Variants in PDE3B observed in about 807,000 individuals in gnomAD.
The protein encoded by PDE3B is phosphodiesterase 3B.
In PDE3B, 66 loss-of-function variants were observed where a neutral mutation model predicts 116.8. The ratio of observed to expected loss-of-function variants is 0.56; its 90% confidence interval spans 0.46 to 0.69. The LOEUF is 0.69. Ranked by LOEUF, PDE3B falls within the 30% of genes least tolerant of loss-of-function variation. The pLI is 0.00. For missense variants in PDE3B, 1,384 were observed against 1,368.1 expected, an observed-to-expected ratio of 1.01 and a Z score of -0.18; for synonymous variants, 595 against 533.6, an observed-to-expected ratio of 1.12 and a Z score of -1.59.
chr11:14,787,055 C>T (rs1222639099), intron 3 of PDE3B, among the ~76,000 whole-genome samples: 5 of 152,016 alleles, frequency 3.3e-5, no homozygotes, highest in East Asian at 1.9e-4. Context: ...AAGAAATGGT[C>T]ATTATCATAT....
At chr11:14,849,558 A>G (rs1443433270) in intron 12 of PDE3B, among the ~76,000 whole-genome samples, 5 of 152,132 alleles carry the variant, frequency 3.3e-5, no homozygotes, top group South Asian at 4.1e-4. Context: ...GCAACCTACA[A>G]AATGGGAGAA....
At chr11:14,749,709 C>A (rs927187151) in intron 1 of PDE3B, among the ~76,000 whole-genome samples, 2 of 151,122 alleles carry the variant, frequency 1.3e-5, no homozygotes, top group African/African-American at 4.9e-5. Context: ...ATGGTCTCTA[C>A]TAGGAGCAGA....
At chr11:14,662,558 G>A (rs1056293232) in intron 1 of PDE3B, among the ~76,000 whole-genome samples, 5 of 151,932 alleles carry the variant, frequency 3.3e-5, no homozygotes, top group African/African-American at 4.8e-5. Context: ...TGAAAACTTT[G>A]AAAAAAATTT....
intron 4 of PDE3B, among the ~76,000 whole-genome samples, chr11:14,796,105 T>C (rs1471208444): frequency 6.6e-6 from 1 of 152,126 alleles, no homozygotes; most frequent in Non-Finnish European, 1.5e-5. Flanking sequence ...AACTCCCACT[T>C]ATGAGTGAGA....
At position 14,800,617 on chromosome 11, in the gene PDE3B, T is replaced by A. The variant is rs567839177; in HGVS notation, c.1416-3327T>A. Among the ~76,000 whole-genome samples, 16 of 152,358 alleles carry A rather than the reference T, an allele frequency of 1.1e-4. No homozygotes were observed. In the South Asian group the frequency reaches 2.9e-3, roughly 28 times the overall value. On this transcript the variant is annotated intron_variant, in intron 4 of 15. Transcript: ENST00000282096. ...TTTCCTTCATTTCAACTTCGGTGAA[T>A]CTGACAGTTATGTGTCTTGGGGTTG...
At chr11:14,707,332 A>C (rs1855563799) in intron 1 of PDE3B, among the ~76,000 whole-genome samples, 1 of 151,986 alleles carries the variant, frequency 6.6e-6, no homozygotes, top group South Asian at 2.1e-4. Flanking sequence ...CAAAAGATGA[A>C]TATTGCTAAA....
At chr11:14,657,453 A>G (rs557982884) in intron 1 of PDE3B, among the ~76,000 whole-genome samples, 109 of 152,340 alleles carry the variant, frequency 7.2e-4, no homozygotes, top group African/African-American at 2.6e-3. Flanking sequence ...AGCTTCTACC[A>G]GTTAGATAGT....
chr11:14,751,663 GA>G (rs762487115), intron 1 of PDE3B, among the ~76,000 whole-genome samples: 3 of 152,184 alleles, frequency 2.0e-5, no homozygotes, highest in Non-Finnish European at 4.4e-5. Flanking sequence ...GTGAGACAGG[GA>G]AGAAGGAAAT....
At chr11:14,686,548 A>T (rs536635763) in intron 1 of PDE3B, among the ~76,000 whole-genome samples, 30 of 152,268 alleles carry the variant, frequency 2.0e-4, no homozygotes, top group African/African-American at 6.7e-4. Flanking sequence ...ATGACAGGAA[A>T]ACATCTAGCT....
chr11:14,792,679 G>A (rs1858425393), intron 4 of PDE3B, among the ~76,000 whole-genome samples: 2 of 152,080 alleles, frequency 1.3e-5, no homozygotes, highest in Non-Finnish European at 2.9e-5. Flanking sequence ...ACCAAAATAT[G>A]TTTCCAACAT....
At chr11:14,752,814 G>A (rs930154915) in intron 1 of PDE3B, among the ~76,000 whole-genome samples, 12 of 151,928 alleles carry the variant, frequency 7.9e-5, no homozygotes, top group African/African-American at 2.9e-4. Context: ...TTGTCCTCCT[G>A]CCCCATTCTT....
At chr11:14,879,701 GGGCGTTCTATTGAAATATATGCTATATAT>G in the PDE3B span, among the ~76,000 whole-genome samples, 3 of 152,050 alleles carry the variant, frequency 2.0e-5, no homozygotes, top group Non-Finnish European at 4.4e-5. Flanking sequence ...TTTATTATCT[GGGCGTTCTATTGAAATATATGCTATATAT>G]CTTGTTCTAA....
chr11:14,865,095 CTAAT>C (rs1425187090), intron 14 of PDE3B, among the ~76,000 whole-genome samples: 7 of 151,702 alleles, frequency 4.6e-5, no homozygotes, highest in Non-Finnish European at 1.5e-5. Flanking sequence ...ACTAGCTAGA[CTAAT>C]AAAGAAAAGA....
rs149614471 is a variant in PDE3B at position 14,712,427 on chromosome 11, T to C, written c.979-59510T>C. On this transcript the variant is annotated intron_variant, in intron 1 of 15. Transcript: ENST00000282096. ...GTGCGTTAAATATTTACATTTTACC[T>C]GGAGTTTGGAAAAGTAGTTTATTTG... is the stretch of plus-strand genomic sequence containing the variant. Among the ~76,000 whole-genome samples, 570 of 150,566 alleles carry C rather than the reference T, an allele frequency of 3.8e-3. 4 individuals carry two copies. The highest frequency in any genetic ancestry group is 0.018 in the Admixed American group (274 of 15,062).
chr11:14,806,655 C>G (rs1002758552), intron 5 of PDE3B, among the ~76,000 whole-genome samples: 3 of 151,092 alleles, frequency 2.0e-5, no homozygotes, highest in African/African-American at 7.3e-5. Context: ...GTCAGGAGAT[C>G]GAGACCATCC....
At chr11:14,667,953 CTT>C (rs1365013808) in intron 1 of PDE3B, among the ~76,000 whole-genome samples, 1 of 151,446 alleles carries the variant, frequency 6.6e-6, no homozygotes, top group African/African-American at 2.4e-5. Flanking sequence ...ATCACACTGA[CTT>C]TGCTGAAGTA....
intron 14 of PDE3B, among the ~76,000 whole-genome samples, chr11:14,863,820 G>C (rs1272031170): frequency 1.3e-5 from 2 of 152,120 alleles, no homozygotes; most frequent in African/African-American, 4.8e-5. Flanking sequence ...AATATGGAAA[G>C]GAAAAACCGA....
intron 12 of PDE3B, among the ~76,000 whole-genome samples, chr11:14,850,270 T>C (rs1360010550): frequency 6.6e-6 from 1 of 150,792 alleles, no homozygotes; most frequent in African/African-American, 2.4e-5. Flanking sequence ...TTCTCAGTCA[T>C]AGGTAGGAAT....
chr11:14,834,192 C>T (rs560119997), intron 10 of PDE3B, among the ~76,000 whole-genome samples: 2 of 152,276 alleles, frequency 1.3e-5, no homozygotes, highest in South Asian at 4.1e-4. Flanking sequence ...ATTTTATCTA[C>T]TAATGCATAC....
Sources: allele counts gnomAD v4.1 joint callset (sites outside exome capture counted in the v4.1 genomes callset), GRCh38; gene constraint gnomAD v4.1.1; transcripts MANE v1.5; gene names NCBI Gene and HGNC (gene_info 2026-07-23, HGNC 2026-07-21).